Variants in NTHL1 observed in about 807,000 individuals in gnomAD.
NTHL1 encodes endonuclease III-like protein 1.
NTHL1 carries 32 observed loss-of-function variants against 32.3 expected under a neutral mutation model. That is an observed-to-expected ratio of 0.99 (90% CI 0.75 to 1.33). The LOEUF is 1.33. NTHL1 is among the 40% of genes most tolerant of loss of function. NTHL1 has a pLI of 0.00. For synonymous variants in NTHL1, 188 were observed against 176.9 expected (o/e 1.06, Z -0.50); for missense variants, 501 against 414.1 (o/e 1.21, Z -1.82).
At chr16:2,041,134 G>C (rs2084264382) in intron 4 of NTHL1, among the ~76,000 whole-genome samples, 1 of 152,266 alleles carries the variant, frequency 6.6e-6, no homozygotes, top group Non-Finnish European at 1.5e-5. Flanking sequence ...GCCGAGGCCT[G>C]CACCAGCTCC....
rs1044332970 is a variant in NTHL1, at chr16:2,040,564, G to T, written c.686-326C>A. 8.5e-6 allele frequency: 4 copies of T among 468,114 alleles called. No homozygotes were observed. The Admixed American group carries it at 1.4e-4, about 16-fold the overall frequency. The allele number at this position is 468,114 out of a possible 1,614,324, so 29.0% of individuals were successfully genotyped here. ...TCTCTGCTTTGGGCAGGGCCTGGGG[G>T]TGATGACTCGGCTCTGCTTGGAGCT... On this transcript the variant is annotated intron_variant, in intron 4 of 5. Transcript: ENST00000651570.
At chr16:2,047,575 C>T (rs769457262) in intron 1 of NTHL1, 134 bp downstream of exon 1, 220 of 1,371,930 alleles carry the variant, frequency 1.6e-4, no homozygotes, top group Middle Eastern at 1.0e-3. Flanking sequence ...CAGGGCCGCA[C>T]GTGGGAACCG....
chr16:2,041,770 G>A lies in NTHL1; in HGVS notation c.686-1532C>T, dbSNP rs751054354. Among the ~76,000 whole-genome samples, 74 of 152,128 alleles carry A rather than the reference G, an allele frequency of 4.9e-4. 1 individual carries two copies. The highest frequency in any genetic ancestry group is 1.0e-3 in the Non-Finnish European group (71 of 68,042). ...CAACAGGCGCCTGACACAATGCCTG[G>A]CTAATTTTTTGTGTTTTTTAGTAGA... On this transcript the variant is annotated intron_variant, in intron 4 of 5. Transcript: ENST00000651570.
At chr16:2,040,857 C>T (rs527988756) in intron 4 of NTHL1, among the ~76,000 whole-genome samples, 98 of 152,338 alleles carry the variant, frequency 6.4e-4, no homozygotes, top group African/African-American at 2.3e-3. Flanking sequence ...TGGCTCTGGG[C>T]ACCAGGCTGG....
Position 2,043,956 on chromosome 16 carries a change from G to A in NTHL1, c.526-230C>T, listed in dbSNP as rs2084305279. ...GTGTGGGCCAATGATGCACGTGTAGGCTCTGGCTGGGGTTCCCCTGCCCGT... is the reference window on the plus strand; with the variant it reads ...GTGTGGGCCAATGATGCACGTGTAGACTCTGGCTGGGGTTCCCCTGCCCGT... On this transcript the variant is annotated intron_variant, in intron 3 of 5. Transcript: ENST00000651570. This position sits in a 1 kb window ranked among gnomAD's most constrained non-coding sequence, Gnocchi z 4.4. The A allele has an allele frequency of 3.5e-6, 2 of 572,164 alleles. No homozygotes were observed. The highest frequency in any genetic ancestry group is 6.3e-6 in the Non-Finnish European group (2 of 318,614). 35.4% of individuals were successfully genotyped at this position (572,164 alleles called of 1,614,324 possible). A position where few individuals can be genotyped will look rare whatever the true frequency, so the allele number is the denominator to read the frequency against.
intron 2 of NTHL1, 29 bp downstream of exon 2, chr16:2,046,099 T>C (rs940048604): frequency 1.9e-6 from 3 of 1,561,392 alleles, no homozygotes; most frequent in Non-Finnish European, 2.6e-6. Context: ...AGATGGGGGG[T>C]CATCTGGGCA....
intron 4 of NTHL1, among the ~76,000 whole-genome samples, chr16:2,040,719 G>A (rs2084255925): frequency 6.6e-6 from 1 of 152,194 alleles, no homozygotes; most frequent in Admixed American, 6.5e-5. Context: ...AGGCCCGGCA[G>A]GATCCCGACT....
rs879107795 is a variant in NTHL1 at position 2,043,547 on chromosome 16, C to T, written c.685+20G>A. 5 of 1,602,628 alleles carry T rather than the reference C, an allele frequency of 3.1e-6. No individual in the cohort carries two copies. Among genetic ancestry groups the T allele is most frequent in the Admixed American group, 3.3e-5 (2 of 60,004 alleles). Reference sequence around the variant, plus strand: ...AGAGCAGCCAGTGGGCTGGAGCCAGCCCCGCCCTCCTCTACTCACCAATGC... The same window carrying T: ...AGAGCAGCCAGTGGGCTGGAGCCAGTCCCGCCCTCCTCTACTCACCAATGC... On this transcript the variant is annotated intron_variant, in intron 4 of 5. Coordinates refer to ENST00000651570, the MANE Select transcript of NTHL1 (RefSeq NM_002528.7). The surrounding 1 kb of genome is among the most constrained non-coding windows in gnomAD (Gnocchi z 4.4).
chr16:2,043,711 T>G lies in NTHL1; in HGVS notation c.541A>C (p.Ile181Leu), dbSNP rs2084301185. 6.2e-7 allele frequency: 1 copy of G among 1,611,842 alleles called. No individual in the cohort carries two copies. Among genetic ancestry groups the G allele is most frequent in the Non-Finnish European group, 8.5e-7 (1 of 1,179,956 alleles). ...VGFWRSKVKY[I>L]KQTSAILQQH... Reference sequence around the variant, plus strand: ...TGCAGGATGGCGCTGGTCTGCTTGATGTATTTCACCTTGCTCTGAAAGACA... The same window carrying G: ...TGCAGGATGGCGCTGGTCTGCTTGAGGTATTTCACCTTGCTCTGAAAGACA... Residue 181 changes from isoleucine to leucine, a missense_variant, in exon 4 of 6, where the codon ATC becomes CTC. By Grantham distance (5) the Ile-to-Leu change is conservative. Transcript: ENST00000651570. This position sits in a 1 kb window ranked among gnomAD's most constrained non-coding sequence, Gnocchi z 4.4.
chr16:2,040,243 T>G lies in NTHL1; in HGVS notation c.686-5A>C. ...TGTGCACATGCGTGTCCACTGCTGC[T>G]GGGAGGCCAAGCGGGGTGAACAGGG... On this transcript the variant is annotated splice_polypyrimidine_tract_variant and splice_region_variant and intron_variant, in intron 4 of 5. Coordinates refer to ENST00000651570, the MANE Select transcript of NTHL1 (RefSeq NM_002528.7). 1 of 1,613,092 alleles carries G rather than the reference T, an allele frequency of 6.2e-7. No individual in the cohort carries two copies. The highest frequency in any genetic ancestry group is 8.5e-7 in the Non-Finnish European group (1 of 1,179,880).
chr16:2,045,586 GCCA>G (rs904119347), intron 2 of NTHL1, among the ~76,000 whole-genome samples: 31 of 152,048 alleles, frequency 2.0e-4, no homozygotes, highest in Non-Finnish European at 3.8e-4. Context: ...ACAGGTGCCT[GCCA>G]CCACACCTGG....
At chr16:2,047,621 A>G (rs2084505598) in intron 1 of NTHL1, 88 bp downstream of exon 1, 1 of 1,482,094 alleles carries the variant, frequency 6.7e-7, no homozygotes, top group Non-Finnish European at 8.9e-7. Flanking sequence ...CTGCCCGCGC[A>G]GCTGGGAGCC....
rs1471979192 is a variant in NTHL1 at position 2,047,806 on chromosome 16, C to T, written c.18G>A (p.Ala6=). 1.3e-6 allele frequency: 2 copies of T among 1,592,612 alleles called. No individual in the cohort carries two copies. Among genetic ancestry groups the T allele is most frequent in the South Asian group, 1.1e-5 (1 of 89,074 alleles). MTALS[A]RMLTRSRSLG... Reference sequence around the variant, plus strand: ...GGCTCCGGCTCCGGGTCAGCATCCTCGCGCTCAAGGCGGTCATGCCGGACT... The same window carrying T: ...GGCTCCGGCTCCGGGTCAGCATCCTTGCGCTCAAGGCGGTCATGCCGGACT... The change falls in exon 1 of 6, where the codon GCG becomes GCA. Residue 6 remains alanine, a synonymous_variant. Coordinates refer to ENST00000651570, the MANE Select transcript of NTHL1 (RefSeq NM_002528.7).
chr16:2,042,810 A>C (rs1596218568), intron 4 of NTHL1, among the ~76,000 whole-genome samples: 58 of 26,968 alleles, frequency 2.2e-3, no homozygotes, highest in Admixed American at 3.8e-3. Context: ...CTCCCTCTCA[A>C]CCCTCCCCTC....
chr16:2,045,366 G>A (rs1012823410), intron 2 of NTHL1, among the ~76,000 whole-genome samples: 2 of 152,062 alleles, frequency 1.3e-5, no homozygotes, highest in Admixed American at 1.3e-4. Context: ...ATCGTATCTG[G>A]CCCATCACTA....
chr16:2,044,832 G>T lies in NTHL1; in HGVS notation c.355-32C>A, dbSNP rs765517336. 8 of 1,553,592 alleles carry T rather than the reference G, an allele frequency of 5.1e-6. No individual in the cohort carries two copies. The African/African-American group carries it at 8.1e-5, about 16-fold the overall frequency. ...GTGCAGTGACAGGGACCGGGGTGGC[G>T]GCGGGTCCTGGGTGATTCCCTGGCC... On this transcript the variant is annotated intron_variant, in intron 2 of 5. Transcript: ENST00000651570. This position sits in a 1 kb window ranked among gnomAD's most constrained non-coding sequence, Gnocchi z 5.0.
chr16:2,044,926 C>A lies in NTHL1; in HGVS notation c.355-126G>T, dbSNP rs920372543. On this transcript the variant is annotated intron_variant, in intron 2 of 5. Coordinates refer to ENST00000651570, the MANE Select transcript of NTHL1 (RefSeq NM_002528.7). This position sits in a 1 kb window ranked among gnomAD's most constrained non-coding sequence, Gnocchi z 5.0. The stretch of plus-strand genomic sequence containing the variant: ...GGGCCACACTTGAGGCATCAGCCTC[C>A]CCCTGTGGGGTGGGGAGGTCTGGTT... 97 of 1,122,274 alleles carry A rather than the reference C, an allele frequency of 8.6e-5. 1 individual carries two copies. In the South Asian group the frequency reaches 1.5e-3, roughly 18 times the overall value. 69.5% of individuals were successfully genotyped at this position (1,122,274 alleles called of 1,614,324 possible). A position where few individuals can be genotyped will look rare whatever the true frequency, so the allele number is the denominator to read the frequency against.
intron 4 of NTHL1, among the ~76,000 whole-genome samples, chr16:2,041,319 T>C (rs997414502): frequency 2.0e-5 from 3 of 152,080 alleles, no homozygotes; most frequent in Non-Finnish European, 2.9e-5. Context: ...ACCTGGACAG[T>C]GAATGACGAG....
Position 2,039,896 on chromosome 16 carries a change from C to G in NTHL1, c.*28G>C. 1 of 1,598,566 alleles carries G rather than the reference C, an allele frequency of 6.3e-7. No individual in the cohort carries two copies. The highest frequency in any genetic ancestry group is 8.5e-7 in the Non-Finnish European group (1 of 1,179,634). On this transcript the variant is annotated 3_prime_UTR_variant, in exon 6 of 6. Transcript: ENST00000651570. ...GCCACTTCACAGACGGTGGCCACAG[C>G]GGCACCTCGGCCAGAGCCATGCGGC... is the stretch of plus-strand genomic sequence containing the variant.
Sources: gnomAD v4.1 joint callset for allele counts (sites outside exome capture counted in the v4.1 genomes callset) on GRCh38, gnomAD v4.1.1 for gene constraint, Gnocchi (gnomAD v3.1) non-coding constraint, MANE v1.5 for transcripts, NCBI Gene and HGNC (gene_info 2026-07-23, HGNC 2026-07-21) for gene names.